Variants in ACSM4 observed in about 807,000 individuals in gnomAD.
ACSM4 encodes the protein acyl-coenzyme A synthetase ACSM4, mitochondrial.
A neutral mutation model predicts 73.0 loss-of-function variants in ACSM4; 66 were observed. The observed-to-expected ratio is 0.90, with a 90% CI of 0.74 to 1.11. The LOEUF (loss-of-function observed/expected upper bound fraction) is 1.11. ACSM4 is among the 50% of genes least tolerant of loss of function. The pLI is 0.00. For missense variants in ACSM4, 645 were observed against 714.4 expected (o/e 0.90, Z 1.11); for synonymous variants, 222 against 254.0 (o/e 0.87, Z 1.20).
intron 2 of ACSM4, 88 bp from the exon 3 acceptor site, chr12:7,310,451 T>G: frequency 7.8e-7 from 1 of 1,290,162 alleles, no homozygotes; most frequent in Non-Finnish European, 1.1e-6. Context: ...GAATGGATTG[T>G]GATGCTTCTC....
chr12:7,326,801 A>G (rs1946509553), intron 11 of ACSM4, among the ~76,000 whole-genome samples, 175 bp from the exon 12 acceptor site: 1 of 152,232 alleles, frequency 6.6e-6, no homozygotes, highest in Non-Finnish European at 1.5e-5. Context: ...AAATATTCTG[A>G]AAAACCTCAC....
intron 2 of ACSM4, among the ~76,000 whole-genome samples, chr12:7,308,918 T>C (rs188605124): frequency 2.5e-3 from 377 of 152,298 alleles, no homozygotes; most frequent in African/African-American, 7.9e-3. Context: ...CTTTGAATCT[T>C]TTCTATCCTT....
intron 3 of ACSM4, among the ~76,000 whole-genome samples, chr12:7,315,427 A>G (rs780862145): frequency 6.6e-6 from 1 of 151,850 alleles, no homozygotes; most frequent in Non-Finnish European, 1.5e-5. Flanking sequence ...CCTCGCCAAC[A>G]TGGTAGCACC....
chr12:7,304,495 C>T lies in ACSM4; in HGVS notation c.164C>T (p.Ala55Val), dbSNP rs191479470. 1 of 1,613,862 alleles carries T rather than the reference C, an allele frequency of 6.2e-7. No homozygotes were observed. The highest frequency in any genetic ancestry group is 2.2e-5 in the East Asian group (1 of 44,884). The change falls in exon 1 of 13, where the codon GCT becomes GTT. Residue 55 changes from alanine to valine, a missense_variant. Physicochemically the swap from Ala to Val is moderately conservative, Grantham distance 64. Coordinates refer to ENST00000399422, the MANE Select transcript of ACSM4 (RefSeq NM_001080454.2). Reference sequence around the variant, plus strand: ...CCATTGCCTAAAAACTTTAACTTTGCTGCAGATGTGCTGGACCAGTGGTCC... The same window carrying T: ...CCATTGCCTAAAAACTTTAACTTTGTTGCAGATGTGCTGGACCAGTGGTCC... ...NRPLPKNFNFAADVLDQWSQK... is the reference protein window; with the variant it reads ...NRPLPKNFNFVADVLDQWSQK...
At chr12:7,321,415 A>G (rs1295435028) in intron 6 of ACSM4, among the ~76,000 whole-genome samples, 1 of 152,226 alleles carries the variant, frequency 6.6e-6, no homozygotes, top group African/African-American at 2.4e-5. Flanking sequence ...CAAATTAAGT[A>G]GCATAGGCTT....
At position 7,304,425 on chromosome 12, in the gene ACSM4, C is replaced by T. The variant is rs1452602461; in HGVS notation, c.94C>T (p.Pro32Ser). ...RLHKDHQLWTPLTLADFEAIN... is the reference protein window; with the variant it reads ...RLHKDHQLWTSLTLADFEAIN... ...ACACAAAGATCACCAGCTTTGGACG[C>T]CTCTGACTCTTGCTGACTTTGAAGC... Residue 32 changes from proline (P) to serine (S), a missense_variant, in exon 1 of 13, where the codon CCT becomes TCT. Transcript: ENST00000399422. The T allele has an allele frequency of 5.6e-6, 9 of 1,614,002 alleles. No individual in the cohort carries two copies. Among genetic ancestry groups the T allele is most frequent in the Non-Finnish European group, 7.6e-6 (9 of 1,179,864 alleles).
At chr12:7,309,093 A>C (rs1946376218) in intron 2 of ACSM4, among the ~76,000 whole-genome samples, 1 of 152,260 alleles carries the variant, frequency 6.6e-6, no homozygotes, top group Admixed American at 6.5e-5. Flanking sequence ...CACTTTAGAA[A>C]GTACAAACTT....
intron 3 of ACSM4, 28 bp from the exon 4 acceptor site, chr12:7,317,109 C>T (rs748881997): frequency 6.3e-7 from 1 of 1,593,560 alleles, no homozygotes; most frequent in East Asian, 2.3e-5. Context: ...CCATCTTCCA[C>T]CGCCATCTTG....
At position 7,324,273 on chromosome 12, in the gene ACSM4, G is replaced by A. The variant is rs1946486596; in HGVS notation, c.1309G>A (p.Asp437Asn). The change falls in exon 10 of 13, where the codon GAC (aspartate) becomes AAC (asparagine). Residue 437 changes from aspartate to asparagine, a missense_variant and splice_region_variant. Coordinates refer to ENST00000399422, the MANE Select transcript of ACSM4 (RefSeq NM_001080454.2). ...CCCAAATGTCATCCTTGGTTCCCAG[G>A]ACAATCCACAGAAAACTGCTGCCAC... is the stretch of plus-strand genomic sequence containing the variant. ...RPFCFFSKYV[D>N]NPQKTAATIR... The A allele has an allele frequency of 1.9e-6, 3 of 1,611,758 alleles. No homozygotes were observed. The highest frequency in any genetic ancestry group is 2.5e-6 in the Non-Finnish European group (3 of 1,179,326).
chr12:7,320,693 T>G (rs1946455254), intron 5 of ACSM4, 32 bp from the exon 6 acceptor site: 1 of 1,578,826 alleles, frequency 6.3e-7, no homozygotes, highest in African/African-American at 1.3e-5. Context: ...GAATGACCAC[T>G]TCTGACATCT....
At chr12:7,317,112 C>G (rs1332345790) in intron 3 of ACSM4, 25 bp from the exon 4 acceptor site, 2 of 1,595,492 alleles carry the variant, frequency 1.3e-6, no homozygotes, top group African/African-American at 2.7e-5. Flanking sequence ...TCTTCCACCG[C>G]CATCTTGGGG....
At chr12:7,308,399 T>C (rs755902307) in intron 2 of ACSM4, among the ~76,000 whole-genome samples, 9 of 152,214 alleles carry the variant, frequency 5.9e-5, no homozygotes, top group Non-Finnish European at 1.2e-4. Flanking sequence ...GGTGAGATTA[T>C]ATTTTCTAAC....
chr12:7,325,114 T>C (rs551427935), intron 11 of ACSM4, among the ~76,000 whole-genome samples: 1 of 152,224 alleles, frequency 6.6e-6, no homozygotes, highest in Non-Finnish European at 1.5e-5. Flanking sequence ...AGATCACATC[T>C]CTAACCAATG....
intron 3 of ACSM4, among the ~76,000 whole-genome samples, chr12:7,314,540 AG>A (rs1461584200): frequency 6.6e-6 from 1 of 152,180 alleles, no homozygotes; most frequent in African/African-American, 2.4e-5. Flanking sequence ...ATAAGTAGGT[AG>A]GTAGGTAGAT....
At chr12:7,326,611 C>T (rs1946507972) in intron 11 of ACSM4, among the ~76,000 whole-genome samples, 2 of 152,154 alleles carry the variant, frequency 1.3e-5, no homozygotes, top group Non-Finnish European at 1.5e-5. Context: ...CATTTGTTCC[C>T]CTGCTACATG....
chr12:7,319,308 T>G (rs1168698753), intron 5 of ACSM4, among the ~76,000 whole-genome samples: 2 of 151,566 alleles, frequency 1.3e-5, no homozygotes, highest in Non-Finnish European at 2.9e-5. Flanking sequence ...CAATGGGGAG[T>G]GGCTATAAAT....
chr12:7,318,355 AG>A, intron 5 of ACSM4, 173 bp downstream of exon 5: 1 of 730,926 alleles, frequency 1.4e-6, no homozygotes, highest in Non-Finnish European at 2.1e-6. Context: ...GACAGAATGG[AG>A]GGGGAACAAC....
At position 7,310,577 on chromosome 12, in the gene ACSM4, A is replaced by G; in HGVS notation, c.451A>G (p.Lys151Glu). ...GCCGGGAACAATCCAGCTGACAGCA[A>G]AAGACATCCTCTACCGGCTGCGAGC... ...FMPGTIQLTA[K>E]DILYRLRASK... The change falls in exon 3 of 13, where the codon AAA becomes GAA. Residue 151 changes from lysine (K) to glutamate (E), a missense_variant. Transcript: ENST00000399422. 1 of 1,611,434 alleles carries G rather than the reference A, an allele frequency of 6.2e-7. No individual in the cohort carries two copies. The highest frequency in any genetic ancestry group is 8.5e-7 in the Non-Finnish European group (1 of 1,179,210).
chr12:7,324,265 G>T lies in ACSM4; in HGVS notation c.1309-8G>T. ...GACTAATCCCCAAATGTCATCCTTGGTTCCCAGGACAATCCACAGAAAACT... is the reference window on the plus strand; with the variant it reads ...GACTAATCCCCAAATGTCATCCTTGTTTCCCAGGACAATCCACAGAAAACT... On this transcript the variant is annotated splice_region_variant and splice_polypyrimidine_tract_variant and intron_variant, in intron 9 of 12. Coordinates refer to ENST00000399422, the MANE Select transcript of ACSM4 (RefSeq NM_001080454.2). 1 of 1,611,212 alleles carries T rather than the reference G, an allele frequency of 6.2e-7. No homozygotes were observed. The highest frequency in any genetic ancestry group is 8.5e-7 in the Non-Finnish European group (1 of 1,179,130).
Sources: gnomAD v4.1 joint callset for allele counts (sites outside exome capture counted in the v4.1 genomes callset) on GRCh38, gnomAD v4.1.1 for gene constraint, MANE v1.5 for transcripts, NCBI Gene and HGNC (gene_info 2026-07-23, HGNC 2026-07-21) for gene names.